The following KIAA1217 variants were observed in gnomAD, a reference collection of about 807,000 sequenced individuals.
KIAA1217 encodes sickle tail protein homolog.
In KIAA1217, 88 loss-of-function variants were observed where a neutral mutation model predicts 163.9. The observed-to-expected ratio is 0.54, with a 90% CI of 0.45 to 0.64. The LOEUF (loss-of-function observed/expected upper bound fraction) is 0.64. Ranked by LOEUF, KIAA1217 falls within the 30% of genes least tolerant of loss-of-function variation. KIAA1217 has a pLI of 0.00. For synonymous variants in KIAA1217, 903 were observed against 923.1 expected (o/e 0.98, Z 0.39); for missense variants, 2,372 against 2,475.0 (o/e 0.96, Z 0.88).
At chr10:23,857,019 G>A (rs147289023) in intron 1 of KIAA1217, among the ~76,000 whole-genome samples, 1,911 of 152,308 alleles carry the variant, frequency 0.013, 53 homozygotes, top group African/African-American at 0.044. Context: ...TGCACCCACT[G>A]TCCTGCACCC....
Position 24,544,295 on chromosome 10 carries a change from G to A in KIAA1217, c.5025G>A (p.Gln1675=). 1 of 1,614,074 alleles carries A rather than the reference G, an allele frequency of 6.2e-7. No individual in the cohort carries two copies. The highest frequency in any genetic ancestry group is 8.5e-7 in the Non-Finnish European group (1 of 1,180,024). ...TLDSLEQTIK[Q]LENTISEMSP... ...ATAGCCTGGAGCAGACCATTAAACA[G>A]CTCGAAAATACAATCAGTGAAATGA... Residue 1675 remains glutamine, a synonymous_variant, in exon 19 of 21, where the codon CAG becomes CAA. Coordinates refer to ENST00000376454, the MANE Select transcript of KIAA1217 (RefSeq NM_019590.5).
intron 3 of KIAA1217, among the ~76,000 whole-genome samples, chr10:24,418,332 A>C (rs1360209704): frequency 6.6e-6 from 1 of 152,132 alleles, no homozygotes; most frequent in African/African-American, 2.4e-5. Flanking sequence ...TGTTTACCAG[A>C]GTGGAAAAGC....
chr10:23,718,379 G>A (rs1024000426), intron 1 of KIAA1217, among the ~76,000 whole-genome samples: 2 of 152,080 alleles, frequency 1.3e-5, no homozygotes, highest in African/African-American at 4.8e-5. Context: ...ATTCCAAAGA[G>A]CCATTTGTTT....
chr10:23,912,522 A>G (rs1842479269), intron 1 of KIAA1217, among the ~76,000 whole-genome samples: 2 of 151,956 alleles, frequency 1.3e-5, no homozygotes, highest in South Asian at 2.1e-4. Flanking sequence ...AGTGTCTGTT[A>G]TTACTTTGTG....
chr10:24,070,795 GA>G (rs2061158124), intron 2 of KIAA1217, among the ~76,000 whole-genome samples: 1 of 152,006 alleles, frequency 6.6e-6, no homozygotes. Context: ...GCGAAAAGGG[GA>G]AAAACTATTT....
chr10:24,172,775 G>A (rs999296146), intron 2 of KIAA1217, among the ~76,000 whole-genome samples: 9 of 152,104 alleles, frequency 5.9e-5, no homozygotes, highest in African/African-American at 1.2e-4. Flanking sequence ...CAGGCACTCC[G>A]TATATTTTGT....
At chr10:24,541,084 T>C (rs1347254759) in intron 17 of KIAA1217, among the ~76,000 whole-genome samples, 4 of 151,508 alleles carry the variant, frequency 2.6e-5, no homozygotes, top group Non-Finnish European at 5.9e-5. Context: ...TTATTTTTTA[T>C]TTTTGCGTAT....
At chr10:23,970,453 G>C (rs1296624474) in intron 1 of KIAA1217, among the ~76,000 whole-genome samples, 3 of 152,230 alleles carry the variant, frequency 2.0e-5, no homozygotes, top group Admixed American at 2.0e-4. Context: ...TAGAAGTAGA[G>C]AGTAGAGCAG....
chr10:23,978,050 C>T (rs1845613377), intron 1 of KIAA1217, among the ~76,000 whole-genome samples: 2 of 152,212 alleles, frequency 1.3e-5, no homozygotes, highest in South Asian at 2.1e-4. Flanking sequence ...TTCCACTCTC[C>T]ATTTTAAAAA....
intron 2 of KIAA1217, among the ~76,000 whole-genome samples, chr10:24,193,552 TC>T (rs2066827520): frequency 6.6e-6 from 1 of 152,232 alleles, no homozygotes; most frequent in South Asian, 2.1e-4. Flanking sequence ...ATAATACTTA[TC>T]TTCCTTTATC....
At chr10:24,519,621 G>A (rs867388809) in intron 10 of KIAA1217, among the ~76,000 whole-genome samples, 4 of 152,220 alleles carry the variant, frequency 2.6e-5, no homozygotes, top group South Asian at 4.2e-4. Flanking sequence ...GCTAAACATC[G>A]TACCGTGCAG....
chr10:24,411,535 A>G (rs1591711807), intron 3 of KIAA1217, among the ~76,000 whole-genome samples: 1 of 152,198 alleles, frequency 6.6e-6, no homozygotes, highest in East Asian at 1.9e-4. Context: ...TACTTACAGG[A>G]TATACTTGGT....
At chr10:24,205,302 C>CAAAAAAAAAAA (rs61292023), upstream of KIAA1217, among the ~76,000 whole-genome samples, 1 of 36,610 alleles carries the variant, frequency 2.7e-5, no homozygotes, top group African/African-American at 8.0e-5. Flanking sequence ...ACTAAAAATA[C>CAAAAAAAAAAA]AAAAAAAAAA....
At position 23,792,008 on chromosome 10, in the gene KIAA1217, G is replaced by A. The variant is rs527434878; in HGVS notation, c.-321+96774G>A. Among the ~76,000 whole-genome samples, 10 of 152,262 alleles carry A rather than the reference G, an allele frequency of 6.6e-5. No homozygotes were observed. In the South Asian group the frequency reaches 2.1e-3, roughly 32 times the overall value. On this transcript the variant is annotated intron_variant, in intron 1 of 18. Transcript: ENST00000376462. ...TTGAGCTACATGCATACTGTGTTCTGTCTTGGAAAAATACTGATATCTATG... is the reference window on the plus strand; with the variant it reads ...TTGAGCTACATGCATACTGTGTTCTATCTTGGAAAAATACTGATATCTATG...
chr10:23,950,564 A>T (rs1844293251), intron 1 of KIAA1217, among the ~76,000 whole-genome samples: 1 of 152,098 alleles, frequency 6.6e-6, no homozygotes, highest in Non-Finnish European at 1.5e-5. Context: ...GCTTTATCTC[A>T]AATAATATAC....
intron 17 of KIAA1217, among the ~76,000 whole-genome samples, chr10:24,539,125 G>A (rs996330434): frequency 1.3e-5 from 2 of 152,106 alleles, no homozygotes; most frequent in Admixed American, 1.3e-4. Flanking sequence ...GTTATACTTA[G>A]GCTAATGTGA....
chr10:24,294,207 A>G (rs1488119150), intron 2 of KIAA1217, among the ~76,000 whole-genome samples: 1 of 151,466 alleles, frequency 6.6e-6, no homozygotes, highest in South Asian at 2.1e-4. Context: ...AAAAAAAAAA[A>G]AAAAAAGAAA....
At chr10:24,394,028 C>A (rs1409804075) in intron 3 of KIAA1217, among the ~76,000 whole-genome samples, 1 of 152,212 alleles carries the variant, frequency 6.6e-6, no homozygotes, top group Non-Finnish European at 1.5e-5. Context: ...GCTTTCCATT[C>A]ACTTTAATTT....
intron 1 of KIAA1217, among the ~76,000 whole-genome samples, chr10:23,763,039 A>G (rs1370241631): frequency 2.0e-5 from 3 of 152,202 alleles, no homozygotes; most frequent in Non-Finnish European, 2.9e-5. Flanking sequence ...TAAAATACCT[A>G]GGAATACAGC....
Sources: allele counts gnomAD v4.1 joint callset (sites outside exome capture counted in the v4.1 genomes callset), GRCh38; gene constraint gnomAD v4.1.1; transcripts MANE v1.5; gene names NCBI Gene and HGNC (gene_info 2026-07-23, HGNC 2026-07-21).